TCEANC2: variants seen among roughly 807,000 people sequenced by gnomAD.
The protein encoded by TCEANC2 is transcription elongation factor A N-terminal and central domain-containing protein 2.
A neutral mutation model predicts 22.8 loss-of-function variants in TCEANC2; 20 were observed. That is an observed-to-expected ratio of 0.88 (90% CI 0.62 to 1.28). The LOEUF is 1.28. TCEANC2 is among the 50% of genes most tolerant of loss of function. TCEANC2 has a pLI of 0.00. For missense variants in TCEANC2, 251 were observed against 249.7 expected (o/e 1.01, Z -0.03); for synonymous variants, 84 against 95.5 (o/e 0.88, Z 0.70).
At chr1:54,111,248 C>T (rs1658834402) in exon 5 of TCEANC2, 1 of 152,246 alleles carries the variant, frequency 6.6e-6, no homozygotes, top group Non-Finnish European at 1.5e-5. Flanking sequence ...AGAGCTAATC[C>T]CAAGCGTGTG....
intron 3 of TCEANC2, among the ~76,000 whole-genome samples, chr1:54,076,059 G>T (rs571954356): frequency 6.6e-6 from 1 of 151,380 alleles, no homozygotes; most frequent in Non-Finnish European, 1.5e-5. Context: ...AAGAAGAAAC[G>T]TGTTTTATTT....
intron 3 of TCEANC2, among the ~76,000 whole-genome samples, chr1:54,073,168 T>C (rs535648535): frequency 5.9e-5 from 9 of 152,230 alleles, no homozygotes; most frequent in Non-Finnish European, 1.0e-4. Flanking sequence ...GGTCTCGCTG[T>C]GTTGCCCAGG....
intron 3 of TCEANC2, among the ~76,000 whole-genome samples, chr1:54,074,786 G>C (rs1218376278): frequency 6.6e-6 from 1 of 152,086 alleles, no homozygotes. Flanking sequence ...AGTAAGGTTA[G>C]GGGCAGAAGC....
In TCEANC2 at chr1:54,058,303, G is replaced by A. The variant is rs570581996; in HGVS notation, c.102+3779G>A. On this transcript the variant is annotated intron_variant, in intron 2 of 4. Coordinates refer to ENST00000234827, the MANE Select transcript of TCEANC2 (RefSeq NM_153035.3). ...ACCACCCTTTTGTCCCTGAGACGCA[G>A]AGCCAATCTAATCACTCCCTTCTCT... 2.6e-5 allele frequency among the ~76,000 whole-genome samples: 4 copies of A among 152,220 alleles called. No individual in the cohort carries two copies. In the South Asian group the frequency reaches 8.3e-4, roughly 32 times the overall value.
chr1:54,084,723 A>T (rs192693240), intron 3 of TCEANC2, among the ~76,000 whole-genome samples: 8 of 152,104 alleles, frequency 5.3e-5, no homozygotes, highest in Admixed American at 2.6e-4. Context: ...TTAGCCAGGC[A>T]TGGTGGCCAC....
Position 54,102,319 on chromosome 1 carries a change from C to T in TCEANC2, c.*5846C>T, listed in dbSNP as rs1288359431. ...ATGCCTGTGAAGTTTATGACAAGAC[C>T]CTACAGGAGAATCACAATGTAGACA... On this transcript the variant is annotated 3_prime_UTR_variant, in exon 5 of 5. Transcript: ENST00000234827. The T allele has an allele frequency of 1.3e-5, 2 of 152,160 alleles. No homozygotes were observed. Among genetic ancestry groups the T allele is most frequent in the Non-Finnish European group, 2.9e-5 (2 of 68,028 alleles). The allele number at this position is 152,160 out of a possible 1,614,324, so 9.4% of individuals were successfully genotyped here.
At chr1:54,085,775 C>A (rs892635987) in intron 3 of TCEANC2, among the ~76,000 whole-genome samples, 1 of 151,936 alleles carries the variant, frequency 6.6e-6, no homozygotes, top group African/African-American at 2.4e-5. Context: ...GCTCTGTTGC[C>A]CAGGCTGGAG....
In TCEANC2 at chr1:54,068,881, A is replaced by G; in HGVS notation, c.228A>G (p.Leu76=). Residue 76 remains leucine, a synonymous_variant, in exon 3 of 5, where the codon TTA becomes TTG. Transcript: ENST00000234827. ...LKKKIPSREV[L]KSTRIGHTVN... Reference sequence around the variant, plus strand: ...AGAAAATACCCTCCAGGGAAGTGTTAAAATCAACAAGGATAGGTATATTCC... The same window carrying G: ...AGAAAATACCCTCCAGGGAAGTGTTGAAATCAACAAGGATAGGTATATTCC... The G allele has an allele frequency of 6.3e-7, 1 of 1,596,360 alleles. No homozygotes were observed. The highest frequency in any genetic ancestry group is 1.8e-5 in the Admixed American group (1 of 55,352).
At chr1:54,056,290 C>G (rs1277688632) in intron 2 of TCEANC2, among the ~76,000 whole-genome samples, 1 of 151,798 alleles carries the variant, frequency 6.6e-6, no homozygotes, top group Non-Finnish European at 1.5e-5. Context: ...CTACAAACAC[C>G]CATATTCTTT....
chr1:54,096,228 T>A lies in TCEANC2; in HGVS notation c.439-57T>A. The stretch of plus-strand genomic sequence containing the variant: ...CTGAGCAGAGTGCTCCAGCCTCTCT[T>A]GCTTTTAATCCTTACGCAATGTAAG... On this transcript the variant is annotated intron_variant, in intron 4 of 4. Coordinates refer to ENST00000234827, the MANE Select transcript of TCEANC2 (RefSeq NM_153035.3). The surrounding 1 kb of genome is among the most constrained non-coding windows in gnomAD (Gnocchi z 4.9). 3 of 1,532,944 alleles carry A rather than the reference T, an allele frequency of 2.0e-6. No homozygotes were observed. The highest frequency in any genetic ancestry group is 2.7e-6 in the Non-Finnish European group (3 of 1,130,856). 95.0% of individuals were successfully genotyped at this position (1,532,944 alleles called of 1,614,324 possible).
chr1:54,067,731 T>C (rs1657984374), intron 2 of TCEANC2, among the ~76,000 whole-genome samples: 1 of 152,202 alleles, frequency 6.6e-6, no homozygotes, highest in African/African-American at 2.4e-5. Context: ...AAGACTTTTT[T>C]GTTGTTGCTT....
At chr1:54,067,277 C>A (rs1657974334) in intron 2 of TCEANC2, among the ~76,000 whole-genome samples, 1 of 152,012 alleles carries the variant, frequency 6.6e-6, no homozygotes. Context: ...ATTGATGGGT[C>A]CACAAAGATA....
Position 54,099,207 on chromosome 1 carries a change from C to G in TCEANC2, c.*2734C>G, listed in dbSNP as rs1156247686. The G allele has an allele frequency of 2.0e-5, 3 of 152,266 alleles. No homozygotes were observed. The highest frequency in any genetic ancestry group is 4.4e-5 in the Non-Finnish European group (3 of 68,042). The allele number at this position is 152,266 out of a possible 1,614,324, so 9.4% of individuals were successfully genotyped here. A position where few individuals can be genotyped will look rare whatever the true frequency, so the allele number is the denominator to read the frequency against. On this transcript the variant is annotated 3_prime_UTR_variant, in exon 5 of 5. Coordinates refer to ENST00000234827, the MANE Select transcript of TCEANC2 (RefSeq NM_153035.3). Reference sequence around the variant, plus strand: ...CAGAGTAAGTTGAAAACAAATTGCTCTCTGGCTGAAAGCCTTCAGTGGTGA... The same window carrying G: ...CAGAGTAAGTTGAAAACAAATTGCTGTCTGGCTGAAAGCCTTCAGTGGTGA...
rs1033006415 is a variant in TCEANC2 at position 54,097,091 on chromosome 1, C to A, written c.*618C>A. On this transcript the variant is annotated 3_prime_UTR_variant, in exon 5 of 5. Transcript: ENST00000234827. ...TGAGGCTACTAATGAGGAACTGGCCCGAAGCCTCCCACACCTCAGGGTTTA... is the reference window on the plus strand; with the variant it reads ...TGAGGCTACTAATGAGGAACTGGCCAGAAGCCTCCCACACCTCAGGGTTTA... 3 of 599,406 alleles carry A rather than the reference C, an allele frequency of 5.0e-6. No homozygotes were observed. The highest frequency in any genetic ancestry group is 4.2e-6 in the Non-Finnish European group (2 of 476,964). 37.1% of individuals were successfully genotyped at this position (599,406 alleles called of 1,614,324 possible). A position where few individuals can be genotyped will look rare whatever the true frequency, so the allele number is the denominator to read the frequency against.
At chr1:54,111,878 G>A (rs573183647) in exon 5 of TCEANC2, 1 of 152,364 alleles carries the variant, frequency 6.6e-6, no homozygotes, top group East Asian at 1.9e-4. Context: ...CCAGTGCCCT[G>A]GCTTCAGCTT....
At chr1:54,060,027 A>G (rs529073880) in intron 2 of TCEANC2, among the ~76,000 whole-genome samples, 134 of 152,194 alleles carry the variant, frequency 8.8e-4, no homozygotes, top group Non-Finnish European at 1.5e-3. Context: ...CAGCACTTGG[A>G]AGGCCAAGAC....
intron 2 of TCEANC2, among the ~76,000 whole-genome samples, chr1:54,064,183 A>G (rs566420270): frequency 1.3e-3 from 196 of 152,364 alleles, no homozygotes; most frequent in Non-Finnish European, 2.3e-3. Context: ...GAACAGACAG[A>G]TGTAAGTAAT....
downstream of TCEANC2, chr1:54,106,095 T>G (rs1658750342): frequency 6.6e-6 from 1 of 152,236 alleles, no homozygotes; most frequent in Non-Finnish European, 1.5e-5. Context: ...GGTGGTGGGC[T>G]GCATTTGGTT....
chr1:54,111,207 C>A (rs1268069811), exon 5 of TCEANC2: 1 of 152,276 alleles, frequency 6.6e-6, no homozygotes. Flanking sequence ...ATAGTCCACG[C>A]AGCCGAGCAG....
Sources: gnomAD v4.1 joint callset for allele counts (sites outside exome capture counted in the v4.1 genomes callset) on GRCh38, gnomAD v4.1.1 for gene constraint, Gnocchi (gnomAD v3.1) non-coding constraint, MANE v1.5 for transcripts, NCBI Gene and HGNC (gene_info 2026-07-23, HGNC 2026-07-21) for gene names.